The following CPXM2 variants were observed in gnomAD, a reference collection of about 807,000 sequenced individuals.
CPXM2 encodes the protein inactive carboxypeptidase-like protein X2.
Under a neutral mutation model 86.1 loss-of-function variants are expected in CPXM2, and 66 were observed. The observed-to-expected ratio is 0.77, with a 90% CI of 0.63 to 0.94. The LOEUF is 0.94. CPXM2 is among the 40% of genes least tolerant of loss of function. The pLI is 0.00. For missense variants in CPXM2, 948 were observed against 1,026.3 expected (o/e 0.92, Z 1.04); for synonymous variants, 388 against 400.2 (o/e 0.97, Z 0.36).
At chr10:123,791,506 T>C (rs370527474) in intron 6 of CPXM2, among the ~76,000 whole-genome samples, 6 of 152,304 alleles carry the variant, frequency 3.9e-5, no homozygotes, top group African/African-American at 9.6e-5. Flanking sequence ...CTTCTTCCGA[T>C]GTCCATTGGC....
intron 6 of CPXM2, among the ~76,000 whole-genome samples, chr10:123,781,871 A>G (rs1296617243): frequency 2.6e-5 from 4 of 152,222 alleles, no homozygotes; most frequent in African/African-American, 9.6e-5. Flanking sequence ...CCCCACAGCC[A>G]CAGGTCACAA....
At chr10:123,878,250 G>A (rs7070153) in intron 2 of CPXM2, among the ~76,000 whole-genome samples, 20,381 of 150,012 alleles carry the variant, frequency 0.14, 1,571 homozygotes, top group African/African-American at 0.2. Flanking sequence ...GATCTCCTCA[G>A]CTGCTTTTCC....
At chr10:123,918,460 G>A (rs563196066) in intron 2 of CPXM2, among the ~76,000 whole-genome samples, 10 of 152,114 alleles carry the variant, frequency 6.6e-5, no homozygotes, top group South Asian at 2.1e-4. Context: ...ATAAAAACTC[G>A]AAGAAATACA....
At chr10:123,926,656 TTTTG>T (rs1945624112) in intron 2 of CPXM2, among the ~76,000 whole-genome samples, 1 of 152,242 alleles carries the variant, frequency 6.6e-6, no homozygotes. Flanking sequence ...TCTGTCTGCC[TTTTG>T]TTTTTGTCCT....
At chr10:123,919,139 C>T (rs1399196303) in intron 2 of CPXM2, among the ~76,000 whole-genome samples, 1 of 152,134 alleles carries the variant, frequency 6.6e-6, no homozygotes, top group Non-Finnish European at 1.5e-5. Context: ...GCTGTACATC[C>T]ACTGCTCAGG....
chr10:123,922,655 G>A (rs1365167208), intron 2 of CPXM2, among the ~76,000 whole-genome samples: 1 of 152,206 alleles, frequency 6.6e-6, no homozygotes, highest in Non-Finnish European at 1.5e-5. Context: ...TGAGCGCTGA[G>A]ATTAAATTCC....
At chr10:123,804,726 C>A (rs1847541276) in intron 4 of CPXM2, among the ~76,000 whole-genome samples, 1 of 152,172 alleles carries the variant, frequency 6.6e-6, no homozygotes, top group African/African-American at 2.4e-5. Flanking sequence ...CAGTCCAATG[C>A]TGAAAGAAGT....
At chr10:123,833,331 G>A (rs182560435) in intron 4 of CPXM2, among the ~76,000 whole-genome samples, 33 of 152,218 alleles carry the variant, frequency 2.2e-4, no homozygotes, top group Middle Eastern at 3.4e-3. Flanking sequence ...AGTTCCTGCC[G>A]GCCAAATTTA....
In CPXM2 at chr10:123,783,874, G is replaced by T. The variant is rs557218939; in HGVS notation, c.890-3619C>A. Reference sequence around the variant, plus strand: ...ACCTCCTGTATATGGAAAACTAGCTGATTCCTCTGCAACACCTTAGTTATG... The same window carrying T: ...ACCTCCTGTATATGGAAAACTAGCTTATTCCTCTGCAACACCTTAGTTATG... On this transcript the variant is annotated intron_variant, in intron 6 of 13. Coordinates refer to ENST00000241305, the MANE Select transcript of CPXM2 (RefSeq NM_198148.3). Among the ~76,000 whole-genome samples, 4 of 152,312 alleles carry T rather than the reference G, an allele frequency of 2.6e-5. No individual in the cohort carries two copies. The South Asian group carries it at 6.2e-4, about 24-fold the overall frequency.
At chr10:123,912,273 A>G (rs546974751) in intron 2 of CPXM2, among the ~76,000 whole-genome samples, 90 of 106,168 alleles carry the variant, frequency 8.5e-4, no homozygotes, top group African/African-American at 3.1e-3. Flanking sequence ...CAACACTCCT[A>G]GTGCGTGTGT....
chr10:123,939,921 C>T (rs915839893), intron 1 of CPXM2, among the ~76,000 whole-genome samples: 5 of 152,202 alleles, frequency 3.3e-5, no homozygotes, highest in African/African-American at 9.7e-5. Flanking sequence ...AGAGCTAGCA[C>T]GTACTTCCTG....
In CPXM2 at chr10:123,799,285, T is replaced by A. The variant is rs1475592871; in HGVS notation, c.654-86A>T. ...GAGGTTTAGAAGTGAGGAGAGCAGG[T>A]GCCAGAGGCAGATGGCACTGGGTCA... On this transcript the variant is annotated intron_variant, in intron 4 of 13. Coordinates refer to ENST00000241305, the MANE Select transcript of CPXM2 (RefSeq NM_198148.3). 6.5e-6 allele frequency: 10 copies of A among 1,536,148 alleles called. No homozygotes were observed. The Admixed American group carries it at 1.3e-4, about 21-fold the overall frequency.
chr10:123,906,194 G>A (rs76978646), intron 2 of CPXM2, among the ~76,000 whole-genome samples: 65 of 152,298 alleles, frequency 4.3e-4, no homozygotes, highest in Non-Finnish European at 7.8e-4. Flanking sequence ...AAATGTGACC[G>A]AAGGGCAACA....
intron 2 of CPXM2, among the ~76,000 whole-genome samples, chr10:123,933,069 C>T (rs1242060803): frequency 6.6e-6 from 1 of 152,210 alleles, no homozygotes; most frequent in South Asian, 2.1e-4. Context: ...GGGACAATAA[C>T]TGACCAAGGA....
intron 7 of CPXM2, among the ~76,000 whole-genome samples, chr10:123,773,964 T>C (rs1343197313): frequency 6.6e-6 from 1 of 152,208 alleles, no homozygotes; most frequent in African/African-American, 2.4e-5. Flanking sequence ...CTCGCGTCAC[T>C]GAATGAGTAT....
intron 13 of CPXM2, 103 bp from the exon 14 acceptor site, chr10:123,747,120 A>G: frequency 7.2e-7 from 1 of 1,379,988 alleles, no homozygotes; most frequent in African/African-American, 1.4e-5. Context: ...AGAGACTCTC[A>G]GGCTGGCAAC....
In CPXM2 at chr10:123,882,391, C is replaced by T. The variant is rs1229148338; in HGVS notation, c.305-2082G>A. On this transcript the variant is annotated intron_variant, in intron 1 of 13. Coordinates refer to ENST00000241305, the MANE Select transcript of CPXM2 (RefSeq NM_198148.3). ...CCTGCTTCTGTGGGCGGGAACATCC[C>T]GGCTGGTGGGAAAACCGTGGAAGAA... Among the ~76,000 whole-genome samples, 4 of 152,154 alleles carry T rather than the reference C, an allele frequency of 2.6e-5. No homozygotes were observed. The East Asian group carries it at 5.8e-4, about 22-fold the overall frequency.
intron 11 of CPXM2, among the ~76,000 whole-genome samples, chr10:123,758,759 G>A (rs549466580): frequency 1.6e-4 from 25 of 152,096 alleles, no homozygotes; most frequent in African/African-American, 5.1e-4. Flanking sequence ...TGCACTCTGC[G>A]CGACTCACCC....
intron 2 of CPXM2, among the ~76,000 whole-genome samples, chr10:123,875,848 G>A (rs1251470881): frequency 1.3e-4 from 16 of 118,994 alleles, no homozygotes; most frequent in East Asian, 7.1e-4. Context: ...ACAGAGTCTC[G>A]CTCTGTCACC....
Sources: gnomAD v4.1 joint callset for allele counts (sites outside exome capture counted in the v4.1 genomes callset) on GRCh38, gnomAD v4.1.1 for gene constraint, MANE v1.5 for transcripts, NCBI Gene and HGNC (gene_info 2026-07-23, HGNC 2026-07-21) for gene names.